The following GRIN2B variants were observed in gnomAD, a reference collection of about 807,000 sequenced individuals.
GRIN2B encodes the protein glutamate ionotropic receptor NMDA type subunit 2B.
A neutral mutation model predicts 114.5 loss-of-function variants in GRIN2B; 5 were observed. That is an observed-to-expected ratio of 0.04 (90% CI 0.02 to 0.09). The LOEUF is 0.09. Ranked by LOEUF, GRIN2B falls within the 10% of genes least tolerant of loss-of-function variation. GRIN2B has a pLI of 1.00. For missense variants in GRIN2B, 1,108 were observed against 1,943.5 expected (o/e 0.57, Z 8.08); for synonymous variants, 787 against 745.1 (o/e 1.06, Z -0.92).
At position 13,554,787 on chromosome 12, in the gene GRIN2B, T is replaced by G. The variant is rs962587960; in HGVS notation, c.*7996A>C. On this transcript the variant is annotated 3_prime_UTR_variant, in exon 14 of 14. Transcript: ENST00000609686. ...TTAGGGGGAAGAATTAGTAGGCTTT[T>G]CAAATTTTTAGATATGCAGGATGAA... 1 of 152,150 alleles carries G rather than the reference T, an allele frequency of 6.6e-6. No individual in the cohort carries two copies. The highest frequency in any genetic ancestry group is 6.6e-5 in the Admixed American group (1 of 15,266). 9.4% of individuals were successfully genotyped at this position (152,150 alleles called of 1,614,324 possible). A position where few individuals can be genotyped will look rare whatever the true frequency, so the allele number is the denominator to read the frequency against.
At chr12:13,823,081 G>C (rs879749259) in intron 3 of GRIN2B, among the ~76,000 whole-genome samples, 2 of 151,886 alleles carry the variant, frequency 1.3e-5, no homozygotes, top group Non-Finnish European at 2.9e-5. Flanking sequence ...GTCCTTTATA[G>C]CAAGTTTTAA....
chr12:13,862,503 C>T (rs892435118), intron 3 of GRIN2B, among the ~76,000 whole-genome samples: 20 of 152,224 alleles, frequency 1.3e-4, no homozygotes, highest in African/African-American at 4.6e-4. Flanking sequence ...TATGAGCCTT[C>T]AGTGTGGCCA....
intron 3 of GRIN2B, among the ~76,000 whole-genome samples, chr12:13,846,195 T>C (rs1419498536): frequency 2.0e-5 from 3 of 152,320 alleles, no homozygotes; most frequent in East Asian, 1.9e-4. Flanking sequence ...GATTTGGTAG[T>C]TTAGTTTAGG....
chr12:13,981,233 T>C (rs1230856589), intron 1 of GRIN2B, 109 bp downstream of exon 1: 1 of 152,184 alleles, frequency 6.6e-6, no homozygotes, highest in Middle Eastern at 3.4e-3. Flanking sequence ...TTCAGAGCTT[T>C]ACCTCATGCC....
At chr12:13,706,277 T>A (rs75582884) in intron 4 of GRIN2B, among the ~76,000 whole-genome samples, 3 of 152,058 alleles carry the variant, frequency 2.0e-5, no homozygotes, top group African/African-American at 7.2e-5. Flanking sequence ...CAGGGATTAG[T>A]GGGAGAATTA....
At chr12:13,961,845 G>T (rs1238345381) in intron 2 of GRIN2B, among the ~76,000 whole-genome samples, 1 of 152,122 alleles carries the variant, frequency 6.6e-6, no homozygotes, top group Non-Finnish European at 1.5e-5. Flanking sequence ...AGTGGAGGTT[G>T]CAGGCAGCAC....
chr12:13,753,792 A>G lies in GRIN2B; in HGVS notation c.535T>C (p.Tyr179His), dbSNP rs1434455531. Residue 179 changes from tyrosine to histidine, a missense_variant, in exon 4 of 14, where the codon TAC becomes CAC. Coordinates refer to ENST00000609686, the MANE Select transcript of GRIN2B (RefSeq NM_000834.5). This position sits in a 1 kb window ranked among gnomAD's most constrained non-coding sequence, Gnocchi z 6.2. ...FSIVTTYFPG[Y>H]QDFVNKIRST... ...CGGATCTTGTTTACAAAGTCCTGGTAGCCAGGGAAATAGGTGGTGACGATA... is the reference window on the plus strand; with the variant it reads ...CGGATCTTGTTTACAAAGTCCTGGTGGCCAGGGAAATAGGTGGTGACGATA... 6.2e-7 allele frequency: 1 copy of G among 1,613,736 alleles called. No homozygotes were observed.
chr12:13,742,723 G>T (rs554668699), intron 4 of GRIN2B, among the ~76,000 whole-genome samples: 1 of 152,278 alleles, frequency 6.6e-6, no homozygotes, highest in Admixed American at 6.5e-5. Context: ...GAGCCACTGT[G>T]CCCGGCTTAG....
intron 4 of GRIN2B, among the ~76,000 whole-genome samples, chr12:13,712,320 G>GTA (rs1485945449): frequency 2.0e-5 from 3 of 151,928 alleles, no homozygotes; most frequent in Admixed American, 6.6e-5. Flanking sequence ...CATGGCACAT[G>GTA]TATACATATG....
At chr12:13,568,131 A>G (rs1312802684) in intron 12 of GRIN2B, among the ~76,000 whole-genome samples, 1 of 152,156 alleles carries the variant, frequency 6.6e-6, no homozygotes, top group Non-Finnish European at 1.5e-5. Context: ...TTCTTTACAC[A>G]TTGTTTAACG....
intron 4 of GRIN2B, among the ~76,000 whole-genome samples, chr12:13,715,316 G>A (rs939107288): frequency 6.6e-6 from 1 of 151,864 alleles, no homozygotes; most frequent in Non-Finnish European, 1.5e-5. Context: ...TGAATTCCAG[G>A]AGTCTGGCTA....
intron 2 of GRIN2B, among the ~76,000 whole-genome samples, chr12:13,916,735 A>ACACAATGTG (rs59238170): frequency 2.9e-5 from 3 of 101,904 alleles, no homozygotes; most frequent in Non-Finnish European, 6.4e-5. Context: ...ACACACACAC[A>ACACAATGTG]TTTGTGTGTG....
intron 4 of GRIN2B, among the ~76,000 whole-genome samples, chr12:13,708,829 C>T (rs1277488674): frequency 5.9e-5 from 9 of 152,028 alleles, no homozygotes; most frequent in South Asian, 4.1e-4. Flanking sequence ...TTCATTCATT[C>T]GAAAATATTT....
chr12:13,698,942 C>T (rs1424176226), intron 4 of GRIN2B, among the ~76,000 whole-genome samples: 1 of 152,132 alleles, frequency 6.6e-6, no homozygotes, highest in African/African-American at 2.4e-5. Flanking sequence ...CTCAGCCTCC[C>T]AAAGTGCTGG....
At chr12:13,762,557 T>C (rs1374057015) in intron 3 of GRIN2B, among the ~76,000 whole-genome samples, 1 of 152,234 alleles carries the variant, frequency 6.6e-6, no homozygotes, top group Non-Finnish European at 1.5e-5. Flanking sequence ...ATCACGTTCA[T>C]ATACCAAGGG....
intron 10 of GRIN2B, among the ~76,000 whole-genome samples, chr12:13,605,643 G>A (rs371143273): frequency 8.7e-5 from 13 of 149,326 alleles, no homozygotes; most frequent in African/African-American, 2.2e-4. Flanking sequence ...TAATGAACAC[G>A]GTATGGAGGA....
chr12:13,562,685 GGGAACCAAGTTCACCCC>G lies in GRIN2B; in HGVS notation c.*81_*97del. 5.8e-6 allele frequency: 6 copies of G among 1,037,332 alleles called. No homozygotes were observed. The highest frequency in any genetic ancestry group is 9.1e-6 in the Non-Finnish European group (6 of 659,318). 64.3% of individuals were successfully genotyped at this position (1,037,332 alleles called of 1,614,324 possible). On this transcript the variant is annotated 3_prime_UTR_variant, in exon 14 of 14. Transcript: ENST00000609686. ...AAATTAAAACAAGAAAGGAGCAAAT[GGGAACCAAGTTCACCCC>G]CGTCACCCTCCGTGACATGCGCATC...
At chr12:13,743,845 T>C (rs1275877651) in intron 4 of GRIN2B, among the ~76,000 whole-genome samples, 2 of 152,174 alleles carry the variant, frequency 1.3e-5, no homozygotes, top group Non-Finnish European at 2.9e-5. Context: ...TTTTTGATAA[T>C]TGGGTTTTTT....
intron 12 of GRIN2B, 108 bp from the exon 13 acceptor site, chr12:13,567,371 GA>G: frequency 1.4e-6 from 1 of 739,352 alleles, no homozygotes; most frequent in Non-Finnish European, 2.3e-6. Flanking sequence ...ATACGTGACA[GA>G]AAAAGAGACA....
Sources: allele counts gnomAD v4.1 joint callset (sites outside exome capture counted in the v4.1 genomes callset), GRCh38; gene constraint gnomAD v4.1.1; non-coding constraint Gnocchi (gnomAD v3.1); transcripts MANE v1.5; gene names NCBI Gene and HGNC (gene_info 2026-07-23, HGNC 2026-07-21).